The following RBFOX1 variants were observed in gnomAD, a reference collection of about 807,000 sequenced individuals.
The protein encoded by RBFOX1 is RNA binding fox-1 homolog 1.
In RBFOX1, 8 loss-of-function variants were observed where a neutral mutation model predicts 57.7. The ratio of observed to expected loss-of-function variants is 0.14; its 90% confidence interval spans 0.08 to 0.25. The LOEUF (loss-of-function observed/expected upper bound fraction) is 0.25, where lower values mean the gene tolerates loss of function less well. Among genes scored for constraint, RBFOX1 ranks in the 10% least tolerant of loss-of-function variants. The pLI, the probability that RBFOX1 is intolerant of heterozygous loss-of-function variation, is 1.00. For missense variants in RBFOX1, 611 were observed against 548.5 expected (o/e 1.11, Z -1.14); for synonymous variants, 326 against 222.4 (o/e 1.47, Z -4.15).
chr16:7,249,066 C>T (rs1036644971), intron 4 of RBFOX1, among the ~76,000 whole-genome samples: 1 of 151,624 alleles, frequency 6.6e-6, no homozygotes, highest in Non-Finnish European at 1.5e-5. Flanking sequence ...AAGTAGTGTT[C>T]CAGGAATAGG....
chr16:5,948,032 G>T (rs941501525), intron 4 of RBFOX1, among the ~76,000 whole-genome samples: 1 of 152,206 alleles, frequency 6.6e-6, no homozygotes, highest in African/African-American at 2.4e-5. Flanking sequence ...CTCTTCAGCA[G>T]AACCAACGCT....
intron 3 of RBFOX1, among the ~76,000 whole-genome samples, chr16:5,842,148 C>A (rs28431022): frequency 0.021 from 3,210 of 152,246 alleles, 108 homozygotes; most frequent in African/African-American, 0.073. Context: ...CCGCTGAAAT[C>A]AAGTTTAGAC....
chr16:6,554,980 C>T (rs1245363754), intron 2 of RBFOX1, among the ~76,000 whole-genome samples: 1 of 152,134 alleles, frequency 6.6e-6, no homozygotes, highest in Non-Finnish European at 1.5e-5. Flanking sequence ...AGGTTCTTTT[C>T]CCAAAGGAAC....
intron 3 of RBFOX1, among the ~76,000 whole-genome samples, chr16:6,790,348 C>G (rs1265435038): frequency 6.6e-6 from 1 of 151,870 alleles, no homozygotes; most frequent in Non-Finnish European, 1.5e-5. Flanking sequence ...CCATGCCTGG[C>G]TAATTTTTGT....
At chr16:7,611,377 G>C (rs1039242590) in intron 10 of RBFOX1, among the ~76,000 whole-genome samples, 2 of 152,138 alleles carry the variant, frequency 1.3e-5, no homozygotes, top group African/African-American at 4.8e-5. Context: ...AGGAGTTGGA[G>C]ACCAGCCTGG....
At chr16:6,791,279 G>C (rs1037700701) in intron 3 of RBFOX1, among the ~76,000 whole-genome samples, 3 of 152,168 alleles carry the variant, frequency 2.0e-5, no homozygotes, top group African/African-American at 4.8e-5. Flanking sequence ...CAGCTGCATG[G>C]AAATTGCTTT....
chr16:6,535,702 A>C (rs1234930271), intron 2 of RBFOX1, among the ~76,000 whole-genome samples: 1 of 152,190 alleles, frequency 6.6e-6, no homozygotes, highest in Non-Finnish European at 1.5e-5. Context: ...TGAGGCTTTA[A>C]GCCACAGCCC....
At chr16:7,091,850 A>G (rs533373551) in intron 4 of RBFOX1, among the ~76,000 whole-genome samples, 2 of 152,314 alleles carry the variant, frequency 1.3e-5, no homozygotes, top group Non-Finnish European at 2.9e-5. Context: ...TTCTATGTGG[A>G]TCAGAGATTA....
At chr16:7,071,653 A>G (rs1460169868) in intron 4 of RBFOX1, among the ~76,000 whole-genome samples, 1 of 151,542 alleles carries the variant, frequency 6.6e-6, no homozygotes, top group Non-Finnish European at 1.5e-5. Flanking sequence ...ATTTATACAT[A>G]CATACATACA....
intron 3 of RBFOX1, among the ~76,000 whole-genome samples, chr16:5,760,458 A>G (rs186837765): frequency 2.8e-4 from 43 of 152,322 alleles, no homozygotes; most frequent in Admixed American, 2.0e-3. Context: ...ATGTCCATAT[A>G]CGTGAGTAGC....
Position 6,298,029 on chromosome 16 carries a change from G to T in RBFOX1, c.-126-18966G>T, listed in dbSNP as rs186516792. Among the ~76,000 whole-genome samples the T allele has an allele frequency of 2.6e-3, 394 of 152,314 alleles. 1 individual carries two copies. Among genetic ancestry groups the T allele is most frequent in the Non-Finnish European group, 4.4e-3 (300 of 68,028 alleles). ...CAGGATGCAGAAAGCTGTTGCACTG[G>T]TCCTCTGCATTTGCAAATAGGCAGA... On this transcript the variant is annotated intron_variant, in intron 1 of 15. Transcript: ENST00000550418.
At chr16:5,421,241 C>G (rs1165177581) in intron 1 of RBFOX1, among the ~76,000 whole-genome samples, 2 of 151,758 alleles carry the variant, frequency 1.3e-5, no homozygotes, top group Non-Finnish European at 2.9e-5. Context: ...ATCCTGACCT[C>G]AAGTGATCCC....
intron 1 of RBFOX1, among the ~76,000 whole-genome samples, chr16:5,460,585 T>C (rs2068758474): frequency 6.6e-6 from 1 of 152,180 alleles, no homozygotes; most frequent in Non-Finnish European, 1.5e-5. Context: ...TCCCAGATGA[T>C]GGTGAGGGCT....
intron 14 of RBFOX1, among the ~76,000 whole-genome samples, chr16:7,698,686 G>A (rs1006139755): frequency 6.6e-6 from 1 of 152,150 alleles, no homozygotes; most frequent in African/African-American, 2.4e-5. Context: ...AAGTTGTCAT[G>A]CAGTAAATTG....
chr16:5,795,911 T>A (rs1259408120), intron 3 of RBFOX1, among the ~76,000 whole-genome samples: 1 of 152,240 alleles, frequency 6.6e-6, no homozygotes. Context: ...TTGTTTGCTC[T>A]ACTGGAGATA....
intron 3 of RBFOX1, among the ~76,000 whole-genome samples, chr16:5,785,318 G>T (rs750900598): frequency 2.0e-5 from 3 of 152,140 alleles, no homozygotes; most frequent in Non-Finnish European, 2.9e-5. Context: ...AGAGACAAAA[G>T]AGAGGTGGAG....
intron 2 of RBFOX1, among the ~76,000 whole-genome samples, chr16:6,373,056 A>T (rs1217494376): frequency 6.7e-6 from 1 of 150,340 alleles, no homozygotes; most frequent in Non-Finnish European, 1.5e-5. Context: ...GTATAGTTGG[A>T]TGGAAGGATA....
At chr16:7,265,957 G>GT (rs2095113306) in intron 4 of RBFOX1, among the ~76,000 whole-genome samples, 1 of 128,370 alleles carries the variant, frequency 7.8e-6, no homozygotes. Context: ...AGATCTGGTG[G>GT]GTTTTTGTTT....
chr16:5,555,983 T>G (rs1379471819), intron 2 of RBFOX1, among the ~76,000 whole-genome samples: 1 of 152,052 alleles, frequency 6.6e-6, no homozygotes, highest in East Asian at 1.9e-4. Context: ...GTCATGCCAT[T>G]GCACTCCAGC....
Sources: gnomAD v4.1 joint callset for allele counts (sites outside exome capture counted in the v4.1 genomes callset) on GRCh38, gnomAD v4.1.1 for gene constraint, MANE v1.5 for transcripts, NCBI Gene and HGNC (gene_info 2026-07-23, HGNC 2026-07-21) for gene names.